Variants in NOL4L observed in about 807,000 individuals in gnomAD.
NOL4L encodes nucleolar protein 4-like.
Under a neutral mutation model 64.5 loss-of-function variants are expected in NOL4L, and 7 were observed. The observed-to-expected ratio is 0.11, with a 90% CI of 0.06 to 0.20. The LOEUF is 0.20. Among genes scored for constraint, NOL4L ranks in the 10% least tolerant of loss-of-function variants. The pLI is 1.00. For missense variants in NOL4L, 680 were observed against 967.1 expected (o/e 0.70, Z 3.94); for synonymous variants, 413 against 401.0 (o/e 1.03, Z -0.36).
intron 4 of NOL4L, among the ~76,000 whole-genome samples, chr20:32,481,970 G>C (rs1017122339): frequency 1.3e-5 from 2 of 148,734 alleles, no homozygotes; most frequent in Admixed American, 6.6e-5. Flanking sequence ...GGGGCGGGGG[G>C]GGGGGAGCAG....
chr20:32,469,374 T>A (rs2014834045), intron 5 of NOL4L, among the ~76,000 whole-genome samples: 1 of 152,112 alleles, frequency 6.6e-6, no homozygotes, highest in African/African-American at 2.4e-5. Context: ...TTTTTTTCTT[T>A]TTTTTCTTTT....
chr20:32,510,998 T>A (rs1347531615), intron 4 of NOL4L, among the ~76,000 whole-genome samples: 1 of 151,832 alleles, frequency 6.6e-6, no homozygotes, highest in Non-Finnish European at 1.5e-5. Flanking sequence ...TGGGGGAAGG[T>A]GGCAAGAGGC....
intron 4 of NOL4L, among the ~76,000 whole-genome samples, chr20:32,506,044 A>C (rs1233175465): frequency 6.6e-6 from 1 of 152,228 alleles, no homozygotes; most frequent in East Asian, 1.9e-4. Context: ...GGCACATTTT[A>C]GGTTTTATAT....
At chr20:32,539,833 C>A (rs556652131) in intron 1 of NOL4L, among the ~76,000 whole-genome samples, 64 of 152,252 alleles carry the variant, frequency 4.2e-4, no homozygotes, top group African/African-American at 1.5e-3. Flanking sequence ...TTCCAAAGGG[C>A]CACCAGGGGT....
intron 1 of NOL4L, among the ~76,000 whole-genome samples, chr20:32,539,359 C>T (rs1379811317): frequency 1.3e-5 from 2 of 152,164 alleles, no homozygotes; most frequent in African/African-American, 4.8e-5. Flanking sequence ...GGAAGTTGGG[C>T]ACGGGGGCAT....
intron 4 of NOL4L, chr20:32,509,832 G>A: frequency 7.7e-7 from 1 of 1,304,036 alleles, no homozygotes; most frequent in Non-Finnish European, 1.0e-6. Context: ...AAACCAGGGG[G>A]CTGTGCTTCC....
chr20:32,488,852 TTTCTTTCTTTCTTTC>T (rs2016310484), intron 4 of NOL4L, among the ~76,000 whole-genome samples: 5 of 99,796 alleles, frequency 5.0e-5, no homozygotes, highest in African/African-American at 1.9e-4. Flanking sequence ...TCTTTCTTTC[TTTCTTTCTTTCTTTC>T]TTTCTTTCTT....
intron 1 of NOL4L, among the ~76,000 whole-genome samples, chr20:32,582,814 G>A (rs973087427): frequency 2.0e-5 from 3 of 152,168 alleles, no homozygotes; most frequent in Admixed American, 2.0e-4. Flanking sequence ...GCCCTCCGGC[G>A]GGGGGCAGTG....
intron 1 of NOL4L, among the ~76,000 whole-genome samples, chr20:32,571,344 C>T (rs1297717555): frequency 3.3e-5 from 5 of 152,134 alleles, no homozygotes; most frequent in African/African-American, 9.7e-5. Flanking sequence ...TGTGCCACAA[C>T]GCCTGGCTAA....
intron 4 of NOL4L, among the ~76,000 whole-genome samples, chr20:32,478,315 G>C (rs1309051749): frequency 1.3e-5 from 2 of 151,660 alleles, no homozygotes; most frequent in Non-Finnish European, 2.9e-5. Flanking sequence ...TTTCTTCAAT[G>C]AGTTGTTGCA....
chr20:32,464,870 TA>T lies in NOL4L; in HGVS notation c.842-8476del, dbSNP rs1338364908. On this transcript the variant is annotated intron_variant, in intron 5 of 10. Coordinates refer to ENST00000621426, the MANE Select transcript of NOL4L (RefSeq NM_001256798.2). The surrounding 1 kb of genome is among the most constrained non-coding windows in gnomAD (Gnocchi z 5.6). Reference sequence around the variant, plus strand: ...TGATACCGTGTTATCAGAGCTGAGATATTTCACCTTCTTCTTTCCTACGGAG... The same window carrying T: ...TGATACCGTGTTATCAGAGCTGAGATTTTCACCTTCTTCTTTCCTACGGAG... The T allele has an allele frequency of 4.7e-6, 2 of 424,492 alleles. No individual in the cohort carries two copies. Among genetic ancestry groups the T allele is most frequent in the African/African-American group, 4.1e-5 (2 of 48,748 alleles). 26.3% of individuals were successfully genotyped at this position (424,492 alleles called of 1,614,324 possible). A position where few individuals can be genotyped will look rare whatever the true frequency, so the allele number is the denominator to read the frequency against.
intron 4 of NOL4L, among the ~76,000 whole-genome samples, chr20:32,505,093 A>G (rs2017087602): frequency 6.6e-6 from 1 of 152,220 alleles, no homozygotes; most frequent in African/African-American, 2.4e-5. Context: ...GTTAGACTTA[A>G]ACAGGTTGTC....
chr20:32,518,257 C>A (rs957039598), intron 3 of NOL4L, among the ~76,000 whole-genome samples: 2 of 152,238 alleles, frequency 1.3e-5, no homozygotes, highest in Non-Finnish European at 2.9e-5. Flanking sequence ...TTCTGTCCAG[C>A]CTGAAGAAAG....
At chr20:32,470,595 C>A (rs943335952) in intron 5 of NOL4L, among the ~76,000 whole-genome samples, 19 of 152,234 alleles carry the variant, frequency 1.2e-4, no homozygotes, top group African/African-American at 4.3e-4. Flanking sequence ...TGGACAAAGT[C>A]TCTCAGGCAT....
At chr20:32,576,668 G>A (rs1394011579) in intron 1 of NOL4L, among the ~76,000 whole-genome samples, 1 of 152,144 alleles carries the variant, frequency 6.6e-6, no homozygotes, top group Non-Finnish European at 1.5e-5. Flanking sequence ...TGGGTGAGAG[G>A]ATGGGCCCAG....
intron 3 of NOL4L, among the ~76,000 whole-genome samples, 184 bp from the exon 4 acceptor site, chr20:32,511,640 A>G (rs2017409600): frequency 6.6e-6 from 1 of 152,286 alleles, no homozygotes. Flanking sequence ...GGTGTCAAAA[A>G]TATTTTTTTT....
At chr20:32,532,274 G>C in intron 1 of NOL4L, 1 of 775,100 alleles carries the variant, frequency 1.3e-6, no homozygotes, top group Non-Finnish European at 1.6e-6. Context: ...AGAGGGCCTG[G>C]AGCGACCAGA....
intron 1 of NOL4L, among the ~76,000 whole-genome samples, chr20:32,563,264 TGG>T (rs1979203520): frequency 3.8e-5 from 1 of 26,436 alleles, no homozygotes; most frequent in Non-Finnish European, 7.2e-5. Flanking sequence ...TCAGGGAGGG[TGG>T]GGAGGGAGAC....
intron 5 of NOL4L, 43 bp downstream of exon 5, chr20:32,474,558 G>T: frequency 6.3e-7 from 1 of 1,581,726 alleles, no homozygotes; most frequent in Non-Finnish European, 8.6e-7. Context: ...GGAGCAGGGG[G>T]CCGGGCACAG....
Sources: gnomAD v4.1 joint callset for allele counts (sites outside exome capture counted in the v4.1 genomes callset) on GRCh38, gnomAD v4.1.1 for gene constraint, Gnocchi (gnomAD v3.1) non-coding constraint, MANE v1.5 for transcripts, NCBI Gene and HGNC (gene_info 2026-07-23, HGNC 2026-07-21) for gene names.